The following GREB1 variants were observed in gnomAD, a reference collection of about 807,000 sequenced individuals.
GREB1 encodes the protein growth regulating estrogen receptor binding 1.
Under a neutral mutation model 200.7 loss-of-function variants are expected in GREB1, and 106 were observed. That is an observed-to-expected ratio of 0.53 (90% CI 0.45 to 0.62). GREB1 has a LOEUF of 0.62. Ranked by LOEUF, GREB1 falls within the 20% of genes least tolerant of loss-of-function variation. The pLI is 0.00. For synonymous variants in GREB1, 1,132 were observed against 1,092.4 expected, an observed-to-expected ratio of 1.04 and a Z score of -0.72; for missense variants, 2,243 against 2,556.8, an observed-to-expected ratio of 0.88 and a Z score of 2.65.
Position 11,580,147 on chromosome 2 carries a change from A to C in GREB1, c.773-557A>C, listed in dbSNP as rs1445653363. ...CTATCACGAGAACAGTATGGGGGAA[A>C]CCACCCCCATGATTCAATTACCTCC... On this transcript the variant is annotated intron_variant, in intron 6 of 32. Transcript: ENST00000381486. This position sits in a 1 kb window ranked among gnomAD's most constrained non-coding sequence, Gnocchi z 4.5. 6.6e-6 allele frequency among the ~76,000 whole-genome samples: 1 copy of C among 152,092 alleles called. No homozygotes were observed. Among genetic ancestry groups the C allele is most frequent in the African/African-American group, 2.4e-5 (1 of 41,416 alleles).
In GREB1 at chr2:11,566,671, G is replaced by C; in HGVS notation, c.454+15G>C. 1 of 1,598,118 alleles carries C rather than the reference G, an allele frequency of 6.3e-7. No individual in the cohort carries two copies. The highest frequency in any genetic ancestry group is 8.5e-7 in the Non-Finnish European group (1 of 1,169,842). On this transcript the variant is annotated intron_variant, in intron 4 of 32. Coordinates refer to ENST00000381486, the MANE Select transcript of GREB1 (RefSeq NM_014668.4). ...TGCTCTTCTTGGTAAGTACTGCTTT[G>C]TCATCCTCTGTGGCTCCTTCTGCAT...
intron 3 of GREB1, among the ~76,000 whole-genome samples, chr2:11,566,036 T>G (rs1558554169): frequency 6.6e-6 from 1 of 151,814 alleles, no homozygotes; most frequent in Non-Finnish European, 1.5e-5. Context: ...TATATATATA[T>G]GAGATGGAGT....
chr2:11,635,461 A>G (rs1685236985), intron 30 of GREB1, 56 bp downstream of exon 30: 1 of 1,553,510 alleles, frequency 6.4e-7, no homozygotes, highest in Admixed American at 1.8e-5. Context: ...CCGCCCTGGC[A>G]CACACACTGA....
At chr2:11,636,798 GGGCAGAGGCAGGGACAGA>G (rs1328217260) in intron 30 of GREB1, among the ~76,000 whole-genome samples, 1 of 86,076 alleles carries the variant, frequency 1.2e-5, no homozygotes, top group African/African-American at 3.3e-5. Flanking sequence ...GCATGGGCAG[GGGCAGAGGCAGGGACAGA>G]GGCAGGGGCA....
chr2:11,498,055 T>G (rs1269163944), intron 1 of GREB1, among the ~76,000 whole-genome samples: 1 of 137,886 alleles, frequency 7.3e-6, no homozygotes, highest in Non-Finnish European at 1.5e-5. Flanking sequence ...GAATGCAGTG[T>G]CATGAACACG....
chr2:11,567,786 T>A (rs1240302969), intron 4 of GREB1, among the ~76,000 whole-genome samples: 1 of 152,158 alleles, frequency 6.6e-6, no homozygotes, highest in Non-Finnish European at 1.5e-5. Context: ...GGCTCCCCCA[T>A]TGTGGAGTAA....
At chr2:11,556,848 T>C in intron 2 of GREB1, 77 bp downstream of exon 2, 1 of 1,108,816 alleles carries the variant, frequency 9.0e-7, no homozygotes, top group East Asian at 2.8e-5. Flanking sequence ...AACTTGAAAC[T>C]CTTTTCTTTA....
chr2:11,604,124 A>G (rs1185181223), intron 17 of GREB1, among the ~76,000 whole-genome samples: 2 of 152,182 alleles, frequency 1.3e-5, no homozygotes, highest in African/African-American at 4.8e-5. Context: ...ACCTTGGCAA[A>G]TCATCTAACC....
intron 5 of GREB1, 56 bp from the exon 6 acceptor site, chr2:11,578,241 T>C (rs1293819994): frequency 1.9e-6 from 3 of 1,576,156 alleles, no homozygotes; most frequent in Non-Finnish European, 2.6e-6. Flanking sequence ...GGAACTCATT[T>C]CGTAGTTGTT....
At chr2:11,495,015 T>C (rs1419689782) in intron 1 of GREB1, among the ~76,000 whole-genome samples, 1 of 152,224 alleles carries the variant, frequency 6.6e-6, no homozygotes, top group Non-Finnish European at 1.5e-5. Flanking sequence ...GTGGTTGCTC[T>C]GTGTCATTCT....
chr2:11,587,715 A>ACG (rs1324559038), intron 9 of GREB1: 1 of 1,178,200 alleles, frequency 8.5e-7, no homozygotes, highest in African/African-American at 1.7e-5. Flanking sequence ...ACACACACAC[A>ACG]CACACACACA....
In GREB1 at chr2:11,560,418, G is replaced by A. The variant is rs549968689; in HGVS notation, c.158-2045G>A. 2.0e-5 allele frequency among the ~76,000 whole-genome samples: 3 copies of A among 152,126 alleles called. No individual in the cohort carries two copies. In the South Asian group the frequency reaches 6.2e-4, roughly 32 times the overall value. The stretch of plus-strand genomic sequence containing the variant: ...AGGAGAAGACAAAGAAATAAGAAGC[G>A]GGCCGGGCATGGTGGCTCGTGCCTA... On this transcript the variant is annotated intron_variant, in intron 2 of 32. Transcript: ENST00000381486.
Position 11,562,512 on chromosome 2 carries a change from G to A in GREB1, c.207G>A (p.Gly69=). Residue 69 remains glycine, a synonymous_variant, in exon 3 of 33, where the codon GGG becomes GGA. Transcript: ENST00000381486. ...AAGAGGAAGAAGAGGGAGAAGGAGGGCTGGAAACAAATGGCCCCCCAAACC... is the reference window on the plus strand; with the variant it reads ...AAGAGGAAGAAGAGGGAGAAGGAGGACTGGAAACAAATGGCCCCCCAAACC... ...NEEEEEEGEG[G]LETNGPPNPF... The A allele has an allele frequency of 6.2e-7, 1 of 1,606,918 alleles. No homozygotes were observed. The highest frequency in any genetic ancestry group is 8.5e-7 in the Non-Finnish European group (1 of 1,176,708).
At chr2:11,621,092 A>C in intron 23 of GREB1, 85 bp downstream of exon 23, 1 of 833,628 alleles carries the variant, frequency 1.2e-6, no homozygotes, top group Non-Finnish European at 2.1e-6. Context: ...TTCACTTTCT[A>C]GATGGAATTC....
At chr2:11,583,157 AT>A (rs1679692628) in intron 7 of GREB1, among the ~76,000 whole-genome samples, 1 of 152,208 alleles carries the variant, frequency 6.6e-6, no homozygotes, top group Admixed American at 6.5e-5. Context: ...CTTAGGGTCT[AT>A]TTAGAACTAT....
intron 14 of GREB1, among the ~76,000 whole-genome samples, chr2:11,598,225 G>A (rs892516952): frequency 2.0e-5 from 3 of 152,344 alleles, no homozygotes; most frequent in Middle Eastern, 3.4e-3. Flanking sequence ...ACCACATGTT[G>A]CTATCTAGCG....
Position 11,633,588 on chromosome 2 carries a change from A to C in GREB1, c.4991+525A>C, listed in dbSNP as rs1685068130. ...AAAAAAAAAAAAAAGAAAGAAAAAA[A>C]TTGTTATTGAAGTATAATGCAGAAA... On this transcript the variant is annotated intron_variant, in intron 28 of 32. Transcript: ENST00000381486. This position sits in a 1 kb window ranked among gnomAD's most constrained non-coding sequence, Gnocchi z 4.1. Among the ~76,000 whole-genome samples the C allele has an allele frequency of 6.6e-6, 1 of 152,042 alleles. No homozygotes were observed. Among genetic ancestry groups the C allele is most frequent in the South Asian group, 2.1e-4 (1 of 4,820 alleles).
intron 17 of GREB1, among the ~76,000 whole-genome samples, chr2:11,604,568 C>T (rs746579): frequency 0.25 from 38,123 of 152,066 alleles, 5,711 homozygotes; most frequent in Admixed American, 0.39. Flanking sequence ...GAATTTCAAA[C>T]CCTGGATTGT....
intron 1 of GREB1, among the ~76,000 whole-genome samples, chr2:11,550,378 A>G (rs1572660837): frequency 6.6e-6 from 1 of 152,276 alleles, no homozygotes; most frequent in African/African-American, 2.4e-5. Context: ...CAAATGGGAG[A>G]AAAGGAATGA....
Sources: gnomAD v4.1 joint callset for allele counts (sites outside exome capture counted in the v4.1 genomes callset) on GRCh38, gnomAD v4.1.1 for gene constraint, Gnocchi (gnomAD v3.1) non-coding constraint, MANE v1.5 for transcripts, NCBI Gene and HGNC (gene_info 2026-07-23, HGNC 2026-07-21) for gene names.